The following SCD5 variants were observed in gnomAD, a reference collection of about 807,000 sequenced individuals.
SCD5 encodes the protein stearoyl-CoA desaturase 5, also known as acyl-CoA-desaturase 4.
In SCD5, 20 loss-of-function variants were observed where a neutral mutation model predicts 30.4. The ratio of observed to expected loss-of-function variants is 0.66; its 90% CI spans 0.46 to 0.96. SCD5 has a LOEUF of 0.96. Ranked by LOEUF, SCD5 falls within the 40% of genes least tolerant of loss-of-function variation. SCD5 has a pLI of 0.00. For missense variants in SCD5, 381 were observed against 443.3 expected (o/e 0.86, Z 1.26); for synonymous variants, 173 against 176.4 (o/e 0.98, Z 0.16).
intron 2 of SCD5, among the ~76,000 whole-genome samples, chr4:82,685,315 T>A (rs940798817): frequency 1.3e-5 from 2 of 152,098 alleles, no homozygotes; most frequent in African/African-American, 2.4e-5. Context: ...AATAGAAATA[T>A]AACTCAAGCC....
intron 1 of SCD5, among the ~76,000 whole-genome samples, chr4:82,749,040 A>C (rs1182164435): frequency 6.6e-6 from 1 of 152,242 alleles, no homozygotes; most frequent in African/African-American, 2.4e-5. Context: ...GACACAGGGC[A>C]GGTTAACGAG....
intron 1 of SCD5, among the ~76,000 whole-genome samples, chr4:82,747,582 C>A (rs11942534): frequency 0.048 from 7,244 of 152,284 alleles, 589 homozygotes; most frequent in African/African-American, 0.17. Flanking sequence ...ATTAAATGAG[C>A]TGTTTATTAA....
chr4:82,743,770 G>T (rs537701779), intron 1 of SCD5, among the ~76,000 whole-genome samples: 1 of 151,380 alleles, frequency 6.6e-6, no homozygotes, highest in Non-Finnish European at 1.5e-5. Flanking sequence ...AATCCCCCCC[G>T]CCTTGGTCTC....
intron 1 of SCD5, among the ~76,000 whole-genome samples, chr4:82,766,606 G>T (rs188024539): frequency 1.3e-5 from 2 of 152,030 alleles, no homozygotes; most frequent in East Asian, 3.9e-4. Context: ...CTTCAACATG[G>T]GTTGCATCTT....
intron 3 of SCD5, among the ~76,000 whole-genome samples, chr4:82,653,045 T>TG (rs146616791): frequency 1.3e-5 from 2 of 152,030 alleles, no homozygotes; most frequent in African/African-American, 4.8e-5. Flanking sequence ...CCTGGCTACT[T>TG]GGGGGGACTG....
At chr4:82,701,258 TAA>T (rs1198279091) in intron 2 of SCD5, among the ~76,000 whole-genome samples, 1 of 152,032 alleles carries the variant, frequency 6.6e-6, no homozygotes, top group Admixed American at 6.6e-5. Flanking sequence ...ATTCATATGT[TAA>T]GAGAGGACAG....
intron 1 of SCD5, among the ~76,000 whole-genome samples, chr4:82,737,912 T>C (rs1443830525): frequency 6.6e-6 from 1 of 151,712 alleles, no homozygotes; most frequent in Non-Finnish European, 1.5e-5. Flanking sequence ...AACTTAAGTA[T>C]TTGAAACACT....
chr4:82,652,037 T>G (rs1434076584), intron 3 of SCD5, among the ~76,000 whole-genome samples: 1 of 152,172 alleles, frequency 6.6e-6, no homozygotes, highest in Non-Finnish European at 1.5e-5. Context: ...GGGCATGAGA[T>G]TCCACCTTTC....
intron 1 of SCD5, among the ~76,000 whole-genome samples, chr4:82,759,352 T>C (rs1483113651): frequency 6.6e-6 from 1 of 152,184 alleles, no homozygotes; most frequent in Non-Finnish European, 1.5e-5. Context: ...ACCTCCTCTC[T>C]TTCTTCCTAG....
At chr4:82,660,508 C>T in intron 3 of SCD5, 4 of 1,079,108 alleles carry the variant, frequency 3.7e-6, no homozygotes, top group Non-Finnish European at 4.5e-6. Flanking sequence ...CTATAGAGTG[C>T]TGTATGTGTA....
intron 1 of SCD5, among the ~76,000 whole-genome samples, chr4:82,740,580 T>C (rs1720851648): frequency 6.6e-6 from 1 of 152,210 alleles, no homozygotes; most frequent in South Asian, 2.1e-4. Flanking sequence ...GATAACTTCA[T>C]TAATGAAAGC....
At chr4:82,687,622 A>C (rs1023891501) in intron 2 of SCD5, among the ~76,000 whole-genome samples, 4 of 152,276 alleles carry the variant, frequency 2.6e-5, no homozygotes, top group African/African-American at 9.6e-5. Context: ...GCTTGAACCC[A>C]TTCTGTATTT....
At chr4:82,739,946 A>T (rs1344720505) in intron 1 of SCD5, among the ~76,000 whole-genome samples, 1 of 152,132 alleles carries the variant, frequency 6.6e-6, no homozygotes, top group Non-Finnish European at 1.5e-5. Context: ...ATCTGCTTCA[A>T]CAATCTGCAG....
intron 3 of SCD5, among the ~76,000 whole-genome samples, chr4:82,669,169 G>T (rs148900823): frequency 1.1e-3 from 161 of 152,274 alleles, no homozygotes; most frequent in Admixed American, 1.8e-3. Context: ...AATCCCTAAA[G>T]TAGAAGATGA....
At chr4:82,759,266 A>G (rs1249105568) in intron 1 of SCD5, among the ~76,000 whole-genome samples, 1 of 152,142 alleles carries the variant, frequency 6.6e-6, no homozygotes, top group African/African-American at 2.4e-5. Context: ...GGGCCTCAGC[A>G]CTGCATATCT....
chr4:82,658,518 G>C (rs1330747494), intron 3 of SCD5, among the ~76,000 whole-genome samples: 1 of 147,340 alleles, frequency 6.8e-6, no homozygotes, highest in Non-Finnish European at 1.5e-5. Flanking sequence ...CCAGGCTGGA[G>C]TGCAGTGGTG....
chr4:82,783,872 T>C (rs1279249674), intron 1 of SCD5, among the ~76,000 whole-genome samples: 1 of 150,136 alleles, frequency 6.7e-6, no homozygotes, highest in Admixed American at 6.6e-5. Flanking sequence ...AAGAAAGAAA[T>C]GTCCAGATTT....
At chr4:82,738,370 C>T (rs112538771) in intron 1 of SCD5, among the ~76,000 whole-genome samples, 1 of 152,128 alleles carries the variant, frequency 6.6e-6, no homozygotes, top group South Asian at 2.1e-4. Context: ...TGCAGTGAGC[C>T]GAGATCGTGC....
At chr4:82,730,239 A>T (rs4693505) in intron 1 of SCD5, among the ~76,000 whole-genome samples, 74,705 of 146,278 alleles carry the variant, frequency 0.51, 19,801 homozygotes, top group African/African-American at 0.65. Flanking sequence ...TATAATATTT[A>T]AAAACATATA....
Sources: allele counts gnomAD v4.1 joint callset (sites outside exome capture counted in the v4.1 genomes callset), GRCh38; gene constraint gnomAD v4.1.1; transcripts MANE v1.5; gene names NCBI Gene and HGNC (gene_info 2026-07-23, HGNC 2026-07-21).